The following ZPBP variants were observed in gnomAD, a reference collection of about 807,000 sequenced individuals.
ZPBP encodes the protein zona pellucida-binding protein 1.
A neutral mutation model predicts 44.8 loss-of-function variants in ZPBP; 26 were observed. The observed-to-expected ratio is 0.58, with a 90% CI of 0.43 to 0.81. ZPBP has a LOEUF of 0.81. ZPBP is among the 30% of genes least tolerant of loss of function. The pLI is 0.00. For synonymous variants in ZPBP, 174 were observed against 153.2 expected (o/e 1.14, Z -1.00); for missense variants, 409 against 434.0 (o/e 0.94, Z 0.51).
At chr7:50,002,895 G>C (rs1798156740) in intron 6 of ZPBP, among the ~76,000 whole-genome samples, 1 of 151,956 alleles carries the variant, frequency 6.6e-6, no homozygotes, top group Admixed American at 6.6e-5. Context: ...ACAGTATTTG[G>C]GATAAAACAT....
intron 7 of ZPBP, among the ~76,000 whole-genome samples, chr7:49,939,126 T>C (rs1794747581): frequency 6.6e-6 from 1 of 152,218 alleles, no homozygotes; most frequent in African/African-American, 2.4e-5. Context: ...CAAAAGTGTG[T>C]TGATTATGGC....
At chr7:49,872,101 A>C (rs1791184405) in intron 2 of ZPBP, among the ~76,000 whole-genome samples, 1 of 152,156 alleles carries the variant, frequency 6.6e-6, no homozygotes, top group Non-Finnish European at 1.5e-5. Flanking sequence ...TATACTATGA[A>C]ACAGAAACCT....
intron 7 of ZPBP, among the ~76,000 whole-genome samples, chr7:49,982,344 AATATATAATTAT>A (rs2128781206): frequency 7.9e-6 from 1 of 127,040 alleles, no homozygotes; most frequent in Non-Finnish European, 1.6e-5. Flanking sequence ...TATAATACAT[AATATATAATTAT>A]ATATAATATA....
intron 1 of ZPBP, chr7:49,916,118 C>T (rs896912999): frequency 3.9e-5 from 6 of 152,214 alleles, no homozygotes; most frequent in African/African-American, 1.4e-4. Context: ...CTACTTATGT[C>T]ATATCCTCAC....
chr7:49,972,780 A>C (rs941336817), intron 7 of ZPBP, among the ~76,000 whole-genome samples: 4 of 152,108 alleles, frequency 2.6e-5, no homozygotes, highest in African/African-American at 4.8e-5. Context: ...ACAATCTTAG[A>C]AAAGAAAAAA....
chr7:50,066,238 G>T (rs913182295), intron 3 of ZPBP, among the ~76,000 whole-genome samples: 1 of 150,192 alleles, frequency 6.7e-6, no homozygotes, highest in East Asian at 1.9e-4. Flanking sequence ...GGTCTTCTTT[G>T]GTTTGAGCTA....
intron 7 of ZPBP, among the ~76,000 whole-genome samples, chr7:49,948,233 GC>G (rs935251743): frequency 2.6e-5 from 4 of 152,176 alleles, no homozygotes; most frequent in African/African-American, 9.6e-5. Context: ...TTATGAAGGT[GC>G]TTTTTTGTGT....
chr7:49,869,099 CT>C (rs1006429982), intron 2 of ZPBP, among the ~76,000 whole-genome samples: 98 of 148,964 alleles, frequency 6.6e-4, no homozygotes, highest in South Asian at 1.7e-3. Flanking sequence ...TTTACACTTC[CT>C]TTTTTTTTTC....
At chr7:50,028,983 AAG>A (rs1799467055) in intron 5 of ZPBP, among the ~76,000 whole-genome samples, 1 of 152,166 alleles carries the variant, frequency 6.6e-6, no homozygotes, top group South Asian at 2.1e-4. Context: ...TCAGAAACGG[AAG>A]AGATGCTAAA....
intron 3 of ZPBP, among the ~76,000 whole-genome samples, chr7:50,079,895 A>G (rs1450644881): frequency 6.6e-6 from 1 of 151,686 alleles, no homozygotes; most frequent in Non-Finnish European, 1.5e-5. Flanking sequence ...TGGGAGGTAC[A>G]GAACTTGTTG....
At chr7:49,843,319 T>G in the ZPBP span, among the ~76,000 whole-genome samples, 2 of 152,152 alleles carry the variant, frequency 1.3e-5, no homozygotes, top group Admixed American at 1.3e-4. Flanking sequence ...TCCAGGAACA[T>G]AAAGCTCTCA....
chr7:49,853,323 C>A (rs1790273810), intron 2 of ZPBP, among the ~76,000 whole-genome samples: 1 of 152,236 alleles, frequency 6.6e-6, no homozygotes, highest in Non-Finnish European at 1.5e-5. Context: ...CCCATGGGGG[C>A]ACACCCCTGT....
At chr7:49,945,019 T>A (rs1034937018) in intron 7 of ZPBP, among the ~76,000 whole-genome samples, 6 of 152,160 alleles carry the variant, frequency 3.9e-5, no homozygotes, top group Non-Finnish European at 7.4e-5. Flanking sequence ...TTTTGCTGTA[T>A]CCCACAGGTT....
intron 2 of ZPBP, among the ~76,000 whole-genome samples, chr7:49,868,024 G>A (rs1790987100): frequency 6.6e-6 from 1 of 151,916 alleles, no homozygotes; most frequent in Non-Finnish European, 1.5e-5. Flanking sequence ...AGTAGAGATG[G>A]GGTTTCACCA....
intron 4 of ZPBP, among the ~76,000 whole-genome samples, chr7:50,042,600 T>C (rs139824094): frequency 2.6e-5 from 4 of 152,174 alleles, no homozygotes; most frequent in Admixed American, 2.6e-4. Context: ...ATAAAATCCA[T>C]TACAGACAAG....
At chr7:49,970,913 G>A (rs1025018578) in intron 7 of ZPBP, among the ~76,000 whole-genome samples, 7 of 151,830 alleles carry the variant, frequency 4.6e-5, no homozygotes, top group Non-Finnish European at 1.0e-4. Context: ...GCATGGTGGT[G>A]CATGCCTGTA....
intron 2 of ZPBP, among the ~76,000 whole-genome samples, chr7:49,879,898 T>TAA (rs1315743525): frequency 6.6e-6 from 1 of 152,180 alleles, no homozygotes; most frequent in Non-Finnish European, 1.5e-5. Context: ...TATGCAGTCT[T>TAA]ACCAGCAGCA....
At chr7:50,007,441 G>C (rs114112776) in intron 6 of ZPBP, among the ~76,000 whole-genome samples, 4 of 151,962 alleles carry the variant, frequency 2.6e-5, no homozygotes, top group African/African-American at 9.7e-5. Flanking sequence ...TGGCTTTATC[G>C]GTAACAATGT....
At chr7:50,055,541 T>G (rs1800898134) in intron 4 of ZPBP, among the ~76,000 whole-genome samples, 1 of 152,162 alleles carries the variant, frequency 6.6e-6, no homozygotes, top group Non-Finnish European at 1.5e-5. Flanking sequence ...CCTCCCCTAC[T>G]TAATAGCTAT....
Sources: allele counts gnomAD v4.1 joint callset (sites outside exome capture counted in the v4.1 genomes callset), GRCh38; gene constraint gnomAD v4.1.1; transcripts MANE v1.5; gene names NCBI Gene and HGNC (gene_info 2026-07-23, HGNC 2026-07-21).